The following SERP2 variants were observed in gnomAD, a reference collection of about 807,000 sequenced individuals.
The protein encoded by SERP2 is stress associated endoplasmic reticulum protein family member 2.
A neutral mutation model predicts 9.1 loss-of-function variants in SERP2; 6 were observed. That is an observed-to-expected ratio of 0.66 (90% confidence interval 0.36 to 1.30). SERP2 has a LOEUF of 1.30. SERP2 is among the 50% of genes most tolerant of loss of function. The pLI is 0.03. For synonymous variants in SERP2, 37 were observed against 27.3 expected, an observed-to-expected ratio of 1.35 and a Z score of -1.10; for missense variants, 58 against 81.9, an observed-to-expected ratio of 0.71 and a Z score of 1.13.
chr13:44,383,409 C>A (rs1260781054), intron 2 of SERP2, among the ~76,000 whole-genome samples: 1 of 152,128 alleles, frequency 6.6e-6, no homozygotes, highest in African/African-American at 2.4e-5. Flanking sequence ...GCTTACCAGC[C>A]CATGCAGCAG....
intron 2 of SERP2, 90 bp downstream of exon 2, chr13:44,379,803 C>A: frequency 2.4e-6 from 2 of 840,906 alleles, no homozygotes; most frequent in Non-Finnish European, 3.9e-6. Flanking sequence ...AGATGAAAAA[C>A]ATACTGGTAT....
At chr13:44,374,181 G>GGGGGGGGGGGGC in intron 1 of SERP2, 72 bp downstream of exon 1, 1 of 448,636 alleles carries the variant, frequency 2.2e-6, no homozygotes, top group Non-Finnish European at 3.5e-6. Context: ...TGGGGGCGGG[G>GGGGGGGGGGGGC]CCGGGCGGGT....
chr13:44,395,985 T>A (rs561161666), intron 2 of SERP2: 5 of 335,382 alleles, frequency 1.5e-5, no homozygotes, highest in South Asian at 5.0e-5. Flanking sequence ...TGTAATGAGA[T>A]CACAGCACGT....
At chr13:44,397,131 A>G (rs1595060610) in intron 2 of SERP2, 141 bp from the exon 3 acceptor site, 1 of 687,710 alleles carries the variant, frequency 1.5e-6, no homozygotes, top group East Asian at 2.6e-5. Context: ...TTGTTAACTT[A>G]ACTCCTTGTT....
intron 2 of SERP2, among the ~76,000 whole-genome samples, chr13:44,387,646 T>C (rs555409836): frequency 6.6e-6 from 1 of 152,314 alleles, no homozygotes; most frequent in South Asian, 2.1e-4. Flanking sequence ...CTGGGTGTGA[T>C]ACCCTACATT....
intron 2 of SERP2, among the ~76,000 whole-genome samples, chr13:44,393,535 G>A (rs1212336422): frequency 6.6e-6 from 1 of 152,132 alleles, no homozygotes; most frequent in African/African-American, 2.4e-5. Context: ...CTGATCGCCT[G>A]CCCTGGAACG....
intron 2 of SERP2, among the ~76,000 whole-genome samples, chr13:44,384,512 A>G (rs1231822060): frequency 6.6e-6 from 1 of 152,056 alleles, no homozygotes; most frequent in Non-Finnish European, 1.5e-5. Context: ...AAAATCCCCT[A>G]CATCTCACAT....
chr13:44,397,200 G>T, intron 2 of SERP2, 72 bp from the exon 3 acceptor site: 1 of 1,278,356 alleles, frequency 7.8e-7, no homozygotes, highest in Non-Finnish European at 1.1e-6. Context: ...TGCAGAAGCC[G>T]GGCTCACTGT....
chr13:44,395,959 C>A, intron 2 of SERP2: 1 of 424,720 alleles, frequency 2.4e-6, no homozygotes, highest in Non-Finnish European at 4.7e-6. Context: ...AGTGTCAGAT[C>A]ACACGCAGCC....
intron 2 of SERP2, 113 bp from the exon 3 acceptor site, chr13:44,397,159 C>G: frequency 1.2e-6 from 1 of 808,552 alleles, no homozygotes; most frequent in Admixed American, 2.0e-5. Flanking sequence ...ATCTAATCAG[C>G]TGTGAGCTAA....
At position 44,395,682 on chromosome 13, in the gene SERP2, A is replaced by G. The variant is rs1047623866; in HGVS notation, c.158-1590A>G. On this transcript the variant is annotated intron_variant, in intron 2 of 2. Transcript: ENST00000379179. ...AATATCTGAGCACATCCAGAATTAAATATCACAAGTTGTTGGACCAACACC... is the reference window on the plus strand; with the variant it reads ...AATATCTGAGCACATCCAGAATTAAGTATCACAAGTTGTTGGACCAACACC... 6 of 311,436 alleles carry G rather than the reference A, an allele frequency of 1.9e-5. No homozygotes were observed. The Admixed American group carries it at 2.0e-4, about 10-fold the overall frequency. 19.3% of individuals were successfully genotyped at this position (311,436 alleles called of 1,614,324 possible).
chr13:44,374,567 TTGAA>T (rs1039852505), intron 1 of SERP2, among the ~76,000 whole-genome samples: 4 of 152,192 alleles, frequency 2.6e-5, no homozygotes, highest in South Asian at 2.1e-4. Flanking sequence ...AGAACGTTTG[TTGAA>T]TGAATGAATG....
chr13:44,390,492 T>C, intron 2 of SERP2: 1 of 455,684 alleles, frequency 2.2e-6, no homozygotes. Flanking sequence ...AAGGAAAGAC[T>C]GAGGCCATTC....
chr13:44,378,619 A>T (rs921795041), intron 1 of SERP2, among the ~76,000 whole-genome samples: 1 of 151,518 alleles, frequency 6.6e-6, no homozygotes, highest in African/African-American at 2.4e-5. Context: ...TGTTGAATGC[A>T]GCCTATTTTT....
chr13:44,385,492 T>A (rs1403902241), intron 2 of SERP2, among the ~76,000 whole-genome samples: 2 of 152,244 alleles, frequency 1.3e-5, no homozygotes, highest in East Asian at 3.9e-4. Flanking sequence ...AAACCTCTAA[T>A]ACATTGTCCT....
intron 2 of SERP2, among the ~76,000 whole-genome samples, chr13:44,393,010 C>T (rs911020944): frequency 4.8e-5 from 7 of 145,356 alleles, no homozygotes; most frequent in African/African-American, 1.7e-4. Context: ...ACCTAGAAGA[C>T]CATGGTTTCA....
intron 2 of SERP2, among the ~76,000 whole-genome samples, chr13:44,396,885 T>C (rs1018548848): frequency 6.6e-6 from 1 of 152,234 alleles, no homozygotes; most frequent in Non-Finnish European, 1.5e-5. Context: ...CACAGCCATT[T>C]TGAAAAGGCA....
intron 1 of SERP2, among the ~76,000 whole-genome samples, chr13:44,375,901 G>T (rs909741021): frequency 3.9e-5 from 6 of 152,192 alleles, no homozygotes; most frequent in Non-Finnish European, 1.5e-5. Flanking sequence ...TGGAAAAATT[G>T]GGAAAACATT....
chr13:44,396,111 C>T lies in SERP2; in HGVS notation c.158-1161C>T, dbSNP rs535249654. 35 of 188,528 alleles carry T rather than the reference C, an allele frequency of 1.9e-4. No homozygotes were observed. The South Asian group carries it at 2.4e-3, about 13-fold the overall frequency. The allele number at this position is 188,528 out of a possible 1,614,324, so 11.7% of individuals were successfully genotyped here. On this transcript the variant is annotated intron_variant, in intron 2 of 2. Transcript: ENST00000379179. The stretch of plus-strand genomic sequence containing the variant: ...AGTGATGATGGGTACAGTGTTTTTA[C>T]GGGGAAAAAAAGCCAAAAAATGCAT...
Sources: allele counts gnomAD v4.1 joint callset (sites outside exome capture counted in the v4.1 genomes callset), GRCh38; gene constraint gnomAD v4.1.1; transcripts MANE v1.5; gene names NCBI Gene and HGNC (gene_info 2026-07-23, HGNC 2026-07-21).